MTUS2: variants seen among roughly 807,000 people sequenced by gnomAD.
The protein encoded by MTUS2 is microtubule associated scaffold protein 2, also known as microtubule-associated tumor suppressor candidate 2.
MTUS2 carries 40 observed loss-of-function variants against 114.1 expected under a neutral mutation model. The ratio of observed to expected loss-of-function variants is 0.35; its 90% CI spans 0.27 to 0.46. The LOEUF (loss-of-function observed/expected upper bound fraction) is 0.46, where lower values mean the gene tolerates loss of function less well. Among genes scored for constraint, MTUS2 ranks in the 20% least tolerant of loss-of-function variants. MTUS2 has a pLI of 1.00. For missense variants in MTUS2, 1,679 were observed against 1,705.4 expected (o/e 0.98, Z 0.27); for synonymous variants, 688 against 672.0 (o/e 1.02, Z -0.37).
intron 5 of MTUS2, among the ~76,000 whole-genome samples, chr13:29,275,657 T>G (rs1161551195): frequency 1.3e-5 from 2 of 152,226 alleles, no homozygotes; most frequent in Non-Finnish European, 2.9e-5. Context: ...TCACTTAATA[T>G]AATGACCTCC....
chr13:29,234,044 G>A (rs1896439739), intron 5 of MTUS2, among the ~76,000 whole-genome samples: 1 of 152,172 alleles, frequency 6.6e-6, no homozygotes, highest in Non-Finnish European at 1.5e-5. Flanking sequence ...CAGGTCAAGA[G>A]TCAGTCATGA....
chr13:28,900,146 C>T (rs1246607793), intron 2 of MTUS2, among the ~76,000 whole-genome samples: 1 of 152,236 alleles, frequency 6.6e-6, no homozygotes, highest in Admixed American at 6.5e-5. Context: ...CCTCAGCCTC[C>T]CAAAGTGCTA....
chr13:29,008,940 C>CT (rs575688783), intron 2 of MTUS2, among the ~76,000 whole-genome samples: 11 of 150,284 alleles, frequency 7.3e-5, no homozygotes, highest in African/African-American at 9.7e-5. Context: ...TCTTCTTCTT[C>CT]TTTTTTTTTC....
chr13:29,313,073 G>T (rs908204355), intron 6 of MTUS2, among the ~76,000 whole-genome samples: 1 of 152,124 alleles, frequency 6.6e-6, no homozygotes, highest in African/African-American at 2.4e-5. Flanking sequence ...GTCTAATGGG[G>T]AATATGGACA....
chr13:29,344,697 G>T (rs1868495875), intron 7 of MTUS2, among the ~76,000 whole-genome samples: 1 of 152,074 alleles, frequency 6.6e-6, no homozygotes, highest in Admixed American at 6.5e-5. Flanking sequence ...CATTATGCAG[G>T]TTGTTGCCTG....
intron 6 of MTUS2, among the ~76,000 whole-genome samples, chr13:29,314,714 TTTG>T (rs1369301365): frequency 2.0e-5 from 3 of 152,180 alleles, no homozygotes; most frequent in African/African-American, 4.8e-5. Flanking sequence ...CTGGGTGGTT[TTTG>T]TTGTTGTTTA....
intron 4 of MTUS2, among the ~76,000 whole-genome samples, chr13:29,063,205 T>C (rs1325229891): frequency 6.6e-6 from 1 of 152,246 alleles, no homozygotes; most frequent in African/African-American, 2.4e-5. Context: ...TTTCATGTTC[T>C]TTCTTCAGAA....
At chr13:29,163,344 CAGT>C (rs1324077350) in intron 5 of MTUS2, among the ~76,000 whole-genome samples, 1 of 152,060 alleles carries the variant, frequency 6.6e-6, no homozygotes, top group Non-Finnish European at 1.5e-5. Context: ...TGAGGGCTGA[CAGT>C]GGTGTATGAG....
At chr13:29,418,287 G>C (rs1030654902) in intron 8 of MTUS2, among the ~76,000 whole-genome samples, 1 of 152,124 alleles carries the variant, frequency 6.6e-6, no homozygotes, top group Non-Finnish European at 1.5e-5. Flanking sequence ...GTAGTGTCTT[G>C]GGGTCCTTGA....
chr13:29,145,983 T>C (rs1191154217), intron 5 of MTUS2, among the ~76,000 whole-genome samples: 2 of 152,222 alleles, frequency 1.3e-5, no homozygotes, highest in East Asian at 3.8e-4. Flanking sequence ...GCCAACACTC[T>C]TACCCATGTG....
intron 5 of MTUS2, among the ~76,000 whole-genome samples, chr13:29,262,005 C>T (rs992801140): frequency 6.6e-6 from 1 of 152,138 alleles, no homozygotes; most frequent in Non-Finnish European, 1.5e-5. Flanking sequence ...TAAATTTTCT[C>T]CTATGTGAAT....
chr13:28,871,382 A>G (rs1243467025), intron 2 of MTUS2, among the ~76,000 whole-genome samples: 2 of 152,140 alleles, frequency 1.3e-5, no homozygotes, highest in Non-Finnish European at 2.9e-5. Flanking sequence ...TCTGGACTTT[A>G]TTCTGGGATT....
intron 6 of MTUS2, 65 bp from the exon 7 acceptor site, chr13:29,324,548 T>G (rs1900398681): frequency 1.6e-6 from 2 of 1,227,604 alleles, no homozygotes; most frequent in African/African-American, 3.0e-5. Context: ...TTCCACAACT[T>G]ATGTTGCCAT....
chr13:29,213,572 C>G (rs1289868450), intron 5 of MTUS2, among the ~76,000 whole-genome samples: 1 of 152,188 alleles, frequency 6.6e-6, no homozygotes, highest in Non-Finnish European at 1.5e-5. Flanking sequence ...GCCACTTTAT[C>G]ATTATGAAAT....
intron 5 of MTUS2, among the ~76,000 whole-genome samples, chr13:29,187,308 A>T (rs965090523): frequency 7.2e-5 from 11 of 152,196 alleles, no homozygotes; most frequent in African/African-American, 2.7e-4. Flanking sequence ...TGAAACCAAA[A>T]GTTGGTTCTT....
In MTUS2 at chr13:29,383,238, G is replaced by GTATATATATATATA. The variant is rs1300982870; in HGVS notation, c.3117+23766_3117+23767insATATATATATATAT. Among the ~76,000 whole-genome samples the GTATATATATATATA allele has an allele frequency of 4.6e-4, 11 of 24,108 alleles. 3 individuals carry two copies. The Admixed American group carries it at 6.7e-3, about 15-fold the overall frequency. The allele number at this position is 24,108 out of a possible 152,430, so 15.8% of individuals were successfully genotyped here. On this transcript the variant is annotated intron_variant, in intron 8 of 15. Coordinates refer to ENST00000612955, the MANE Select transcript of MTUS2 (RefSeq NM_001033602.4). Reference sequence around the variant, plus strand: ...ATTGAGTGTGTGTGTGTGTGTGTGTGTGTGTGTGTGTGTGTATTTATTTTT... The same window carrying GTATATATATATATA: ...ATTGAGTGTGTGTGTGTGTGTGTGTGTATATATATATATATGTGTGTGTGTGTGTATTTATTTTT...
chr13:29,037,047 T>C (rs1887111847), intron 4 of MTUS2, among the ~76,000 whole-genome samples: 1 of 152,236 alleles, frequency 6.6e-6, no homozygotes, highest in South Asian at 2.1e-4. Context: ...TTTGATCCTG[T>C]CATTATGATG....
chr13:29,152,387 C>T (rs1439858206), intron 5 of MTUS2, among the ~76,000 whole-genome samples: 1 of 152,132 alleles, frequency 6.6e-6, no homozygotes, highest in Non-Finnish European at 1.5e-5. Context: ...TTAGTATCTA[C>T]TGCTGAATAA....
intron 6 of MTUS2, among the ~76,000 whole-genome samples, chr13:29,314,738 G>T (rs1464944613): frequency 6.6e-6 from 1 of 152,142 alleles, no homozygotes; most frequent in Non-Finnish European, 1.5e-5. Context: ...AAACCTTGCA[G>T]AATGACCTTT....
Sources: gnomAD v4.1 joint callset for allele counts (sites outside exome capture counted in the v4.1 genomes callset) on GRCh38, gnomAD v4.1.1 for gene constraint, MANE v1.5 for transcripts, NCBI Gene and HGNC (gene_info 2026-07-23, HGNC 2026-07-21) for gene names.